The following DNAH5 variants were observed in gnomAD, a reference collection of about 807,000 sequenced individuals.
DNAH5 encodes the protein axonemal beta dynein heavy chain 5.
DNAH5 carries 372 observed loss-of-function variants against 518.2 expected under a neutral mutation model. The ratio of observed to expected loss-of-function variants is 0.72; its 90% CI spans 0.66 to 0.78. DNAH5 has a LOEUF of 0.78. Ranked by LOEUF, DNAH5 falls within the 30% of genes least tolerant of loss-of-function variation. The pLI, the probability that DNAH5 is intolerant of heterozygous loss-of-function variation, is 0.00. For synonymous variants in DNAH5, 2,039 were observed against 2,025.9 expected (o/e 1.01, Z -0.17); for missense variants, 5,523 against 5,687.0 (o/e 0.97, Z 0.93).
Position 13,864,096 on chromosome 5 carries a change from A to G in DNAH5, c.4596+301T>C, listed in dbSNP as rs555028791. ...CCCAGGTGAACCAAACTCATCTACC[A>G]TAGGCTTTCACAGAACAACATACAT... On this transcript the variant is annotated intron_variant, in intron 28 of 78. Transcript: ENST00000265104. Among the ~76,000 whole-genome samples, 14 of 152,322 alleles carry G rather than the reference A, an allele frequency of 9.2e-5. No individual in the cohort carries two copies. The South Asian group carries it at 1.4e-3, about 16-fold the overall frequency.
rs56011713 is a variant in DNAH5 at position 13,884,744 on chromosome 5, G to A, written c.2983+245C>T. Reference sequence around the variant, plus strand: ...CCCAGCTACTTGGGAGGCTAAGCTGGAGAATCACTTGAACCCAGGAGATGA... The same window carrying A: ...CCCAGCTACTTGGGAGGCTAAGCTGAAGAATCACTTGAACCCAGGAGATGA... On this transcript the variant is annotated intron_variant, in intron 19 of 78. Transcript: ENST00000265104. Among the ~76,000 whole-genome samples, 24,086 of 152,284 alleles carry A rather than the reference G, an allele frequency of 0.16. 2,399 individuals carry two copies. Among genetic ancestry groups the A allele is most frequent in the South Asian group, 0.31 (1,477 of 4,822 alleles).
At chr5:13,839,122 T>C (rs1328637508) in intron 35 of DNAH5, among the ~76,000 whole-genome samples, 1 of 152,178 alleles carries the variant, frequency 6.6e-6, no homozygotes, top group Non-Finnish European at 1.5e-5. Flanking sequence ...GTCCACACAG[T>C]GTTTACACAT....
At chr5:13,928,524 G>A (rs898359753) in intron 2 of DNAH5, among the ~76,000 whole-genome samples, 2 of 152,156 alleles carry the variant, frequency 1.3e-5, no homozygotes, top group African/African-American at 4.8e-5. Context: ...CTGCAGATAA[G>A]CAAGAACAAA....
chr5:13,795,965 T>C (rs1414623572), intron 47 of DNAH5, among the ~76,000 whole-genome samples: 2 of 152,162 alleles, frequency 1.3e-5, no homozygotes, highest in East Asian at 3.9e-4. Context: ...ATTATCTCAA[T>C]AGATGCAGAA....
At chr5:13,814,503 G>A (rs960690702) in intron 43 of DNAH5, 102 bp downstream of exon 43, 6 of 1,112,284 alleles carry the variant, frequency 5.4e-6, no homozygotes, top group East Asian at 2.4e-5. Flanking sequence ...GCATAAAAAT[G>A]CAGTTACACT....
chr5:13,897,510 C>A (rs993330046), intron 15 of DNAH5: 2 of 152,176 alleles, frequency 1.3e-5, no homozygotes, highest in African/African-American at 4.8e-5. Context: ...TAACTATTAG[C>A]CTGTACTTGG....
At chr5:13,917,657 ATTGT>A (rs1776790831) in intron 7 of DNAH5, among the ~76,000 whole-genome samples, 1 of 152,172 alleles carries the variant, frequency 6.6e-6, no homozygotes, top group African/African-American at 2.4e-5. Context: ...TAATGTAGTA[ATTGT>A]TTATTATCTG....
chr5:13,713,845 C>A (rs1900141), intron 75 of DNAH5, among the ~76,000 whole-genome samples: 109,196 of 151,858 alleles, frequency 0.72, 39,663 homozygotes, highest in African/African-American at 0.81. Context: ...TGAAAAAAAA[C>A]TTTTGAAAAT....
intron 35 of DNAH5, among the ~76,000 whole-genome samples, chr5:13,836,133 C>T (rs939832805): frequency 1.3e-5 from 2 of 152,144 alleles, no homozygotes; most frequent in Non-Finnish European, 2.9e-5. Context: ...TATCACACTT[C>T]CCCCCAGCAT....
chr5:13,977,095 C>T (rs339432), intron 1 of DNAH5, among the ~76,000 whole-genome samples: 129,467 of 152,208 alleles, frequency 0.85, 55,209 homozygotes, highest in East Asian at 1. Context: ...CGCAGAGGTG[C>T]TCTGGAAATG....
At position 13,691,969 on chromosome 5, in the gene DNAH5, G is replaced by A; in HGVS notation, c.*15C>T. The A allele has an allele frequency of 1.2e-6, 2 of 1,613,978 alleles. No individual in the cohort carries two copies. Among genetic ancestry groups the A allele is most frequent in the Non-Finnish European group, 1.7e-6 (2 of 1,179,946 alleles). ...TGCATTTTCCAAAGCATTGGGTGGG[G>A]ACACTCCCCACATGTTACTTGACAT... On this transcript the variant is annotated 3_prime_UTR_variant, in exon 79 of 79. Transcript: ENST00000265104.
intron 13 of DNAH5, 109 bp from the exon 14 acceptor site, chr5:13,901,682 T>C: frequency 1.1e-5 from 8 of 718,064 alleles, no homozygotes; most frequent in Non-Finnish European, 1.7e-5. Flanking sequence ...TTTAAAATGC[T>C]AATGGAAAAG....
At chr5:13,809,969 C>A (rs1760332793) in intron 45 of DNAH5, 90 bp downstream of exon 45, 4 of 1,279,678 alleles carry the variant, frequency 3.1e-6, no homozygotes, top group Non-Finnish European at 1.1e-6. Context: ...TTATAAATCT[C>A]ATTTAGAAAA....
Position 13,753,412 on chromosome 5 carries a change from C to T in DNAH5, c.10693G>A (p.Glu3565Lys). The change falls in exon 63 of 79, where the codon GAG becomes AAG. Residue 3565 changes from glutamate (E) to lysine (K), a missense_variant. Coordinates refer to ENST00000265104, the MANE Select transcript of DNAH5 (RefSeq NM_001369.3). Reference protein sequence around the residue: ...IPFGKNLNLSEMLIDAPTISE... With the variant: ...IPFGKNLNLSKMLIDAPTISE... ...ATAGTAGGAGCATCAATCAACATCT[C>T]ACTGAGATTTAGGTTCTTTCCAAAT... 1 of 1,614,072 alleles carries T rather than the reference C, an allele frequency of 6.2e-7. No individual in the cohort carries two copies. Among genetic ancestry groups the T allele is most frequent in the Non-Finnish European group, 8.5e-7 (1 of 1,179,974 alleles).
At chr5:14,009,261 A>G (rs1233470401) in intron 1 of DNAH5, among the ~76,000 whole-genome samples, 2 of 152,226 alleles carry the variant, frequency 1.3e-5, no homozygotes, top group Non-Finnish European at 2.9e-5. Flanking sequence ...TGTAACAGGT[A>G]AACTTCCTCC....
At chr5:13,910,711 T>C (rs1312779588) in intron 12 of DNAH5, among the ~76,000 whole-genome samples, 1 of 152,170 alleles carries the variant, frequency 6.6e-6, no homozygotes, top group Admixed American at 6.5e-5. Context: ...CCATCCCGCC[T>C]GTGTCCACCA....
intron 76 of DNAH5, among the ~76,000 whole-genome samples, chr5:13,701,896 C>G (rs1742171579): frequency 6.6e-6 from 1 of 152,180 alleles, no homozygotes; most frequent in East Asian, 1.9e-4. Context: ...CAAGATAAAT[C>G]AACACTTTAA....
intron 1 of DNAH5, among the ~76,000 whole-genome samples, chr5:13,958,290 C>T (rs1228751895): frequency 1.3e-5 from 2 of 152,022 alleles, no homozygotes; most frequent in Non-Finnish European, 2.9e-5. Flanking sequence ...TAATTTTGTT[C>T]ATCTTTACAA....
intron 12 of DNAH5, among the ~76,000 whole-genome samples, chr5:13,906,453 GA>G (rs1775309732): frequency 6.6e-6 from 1 of 152,144 alleles, no homozygotes; most frequent in African/African-American, 2.4e-5. Flanking sequence ...AATATTTAAT[GA>G]GGTGTAAAAT....
Sources: allele counts gnomAD v4.1 joint callset (sites outside exome capture counted in the v4.1 genomes callset), GRCh38; gene constraint gnomAD v4.1.1; transcripts MANE v1.5; gene names NCBI Gene and HGNC (gene_info 2026-07-23, HGNC 2026-07-21).